The following TBC1D14 variants were observed in gnomAD, a reference collection of about 807,000 sequenced individuals.
TBC1D14 encodes TBC1 domain family, member 14.
Under a neutral mutation model 79.0 loss-of-function variants are expected in TBC1D14, and 26 were observed. The ratio of observed to expected loss-of-function variants is 0.33; its 90% CI spans 0.24 to 0.46. TBC1D14 has a LOEUF of 0.46. Ranked by LOEUF, TBC1D14 falls within the 20% of genes least tolerant of loss-of-function variation. The pLI is 1.00. For synonymous variants in TBC1D14, 394 were observed against 349.9 expected, an observed-to-expected ratio of 1.13 and a Z score of -1.40; for missense variants, 769 against 887.6, an observed-to-expected ratio of 0.87 and a Z score of 1.70.
intron 2 of TBC1D14, among the ~76,000 whole-genome samples, chr4:6,946,480 C>T (rs1055356079): frequency 6.6e-6 from 1 of 152,076 alleles, no homozygotes; most frequent in African/African-American, 2.4e-5. Context: ...CCACCAGGCC[C>T]AGCTAATTTT....
At chr4:6,954,117 G>A (rs916285893) in intron 2 of TBC1D14, 62 of 595,032 alleles carry the variant, frequency 1.0e-4, no homozygotes, top group African/African-American at 1.0e-3. Flanking sequence ...CCGCCCTGCC[G>A]CCCCCGCCTT....
chr4:6,999,656 TC>T (rs1390074706), intron 6 of TBC1D14, among the ~76,000 whole-genome samples: 1 of 152,120 alleles, frequency 6.6e-6, no homozygotes, highest in Non-Finnish European at 1.5e-5. Flanking sequence ...CCTCGCATGT[TC>T]CAGGCCCTGT....
chr4:7,024,893 T>C, intron 12 of TBC1D14, 111 bp from the exon 13 acceptor site: 1 of 1,454,566 alleles, frequency 6.9e-7, no homozygotes, highest in East Asian at 2.3e-5. Context: ...CCCCAGCTGT[T>C]GCCTGAAAGT....
In TBC1D14 at chr4:7,023,251, G is replaced by A. The variant is rs140789414; in HGVS notation, c.1758-1753G>A. ...AGCCTGGGCGACAGAGTGAGACTCC[G>A]TCTCAAGAAAAAAACAAAACAAAAC... is the stretch of plus-strand genomic sequence containing the variant. On this transcript the variant is annotated intron_variant, in intron 12 of 13. Coordinates refer to ENST00000409757, the MANE Select transcript of TBC1D14 (RefSeq NM_020773.3). 9.4e-3 allele frequency among the ~76,000 whole-genome samples: 1,432 copies of A among 152,210 alleles called. 23 individuals are homozygous for A. Among genetic ancestry groups the A allele is most frequent in the African/African-American group, 0.032 (1,342 of 41,532 alleles).
chr4:7,001,028 G>A, intron 6 of TBC1D14, 117 bp from the exon 7 acceptor site: 1 of 754,820 alleles, frequency 1.3e-6, no homozygotes, highest in Non-Finnish European at 2.3e-6. Flanking sequence ...CTGAGGGCAG[G>A]GGCTGTGCCT....
chr4:7,007,661 G>A lies in TBC1D14; in HGVS notation c.1446+935G>A, dbSNP rs780147323. ...CCAGCGAGCACCCCACTGGCTTGCA[G>A]CAGGCAGTTGACTTAGCTGGGAGCC... On this transcript the variant is annotated intron_variant, in intron 9 of 13. Transcript: ENST00000409757. The A allele has an allele frequency of 3.2e-6, 4 of 1,231,332 alleles. No individual in the cohort carries two copies. The East Asian group carries it at 2.3e-4, about 71-fold the overall frequency. 76.3% of individuals were successfully genotyped at this position (1,231,332 alleles called of 1,614,324 possible).
At position 6,923,713 on chromosome 4, in the gene TBC1D14, A is replaced by G. The variant is rs1029200917; in HGVS notation, c.324A>G (p.Pro108=). The change falls in exon 2 of 14, where the codon CCA becomes CCG. Residue 108 remains proline, a synonymous_variant. Coordinates refer to ENST00000409757, the MANE Select transcript of TBC1D14 (RefSeq NM_020773.3). The part of the protein sequence containing the change: ...ERAFQSACAL[P]SCAPPAPSST... Reference sequence around the variant, plus strand: ...CCTTCCAGAGCGCCTGCGCGCTGCCATCCTGTGCGCCACCAGCTCCTAGCA... The same window carrying G: ...CCTTCCAGAGCGCCTGCGCGCTGCCGTCCTGTGCGCCACCAGCTCCTAGCA... 2.5e-6 allele frequency: 4 copies of G among 1,613,872 alleles called. No individual in the cohort carries two copies. The highest frequency in any genetic ancestry group is 1.1e-5 in the South Asian group (1 of 91,082).
chr4:6,996,286 G>A, intron 4 of TBC1D14, 39 bp from the exon 5 acceptor site: 1 of 1,528,026 alleles, frequency 6.5e-7, no homozygotes, highest in Non-Finnish European at 9.1e-7. Context: ...CTTCTATGCG[G>A]TATTTATAAT....
intron 2 of TBC1D14, among the ~76,000 whole-genome samples, chr4:6,953,024 T>TTTC (rs1491160554): frequency 5.1e-4 from 4 of 7,776 alleles, no homozygotes; most frequent in African/African-American, 9.1e-4. Flanking sequence ...TTTTTCTTTC[T>TTTC]TTTTTTTTTT....
intron 12 of TBC1D14, among the ~76,000 whole-genome samples, chr4:7,018,565 C>T (rs529370591): frequency 6.6e-6 from 1 of 152,324 alleles, no homozygotes; most frequent in East Asian, 1.9e-4. Flanking sequence ...TCAAAGAATG[C>T]GTCTGTGCCT....
At chr4:7,021,414 A>G (rs1330533052) in intron 12 of TBC1D14, among the ~76,000 whole-genome samples, 1 of 152,198 alleles carries the variant, frequency 6.6e-6, no homozygotes, top group Non-Finnish European at 1.5e-5. Flanking sequence ...TCTGGGCAAC[A>G]CAGTGAGACC....
At chr4:6,975,350 A>G (rs1716628016) in intron 3 of TBC1D14, among the ~76,000 whole-genome samples, 1 of 152,070 alleles carries the variant, frequency 6.6e-6, no homozygotes, top group Non-Finnish European at 1.5e-5. Flanking sequence ...CCGGGACTAC[A>G]GGCACGTGAC....
intron 12 of TBC1D14, among the ~76,000 whole-genome samples, chr4:7,015,898 G>A (rs1268714179): frequency 1.3e-5 from 2 of 152,234 alleles, no homozygotes; most frequent in East Asian, 3.8e-4. Context: ...AGTAAAGAAT[G>A]TACTATTCGA....
intron 3 of TBC1D14, among the ~76,000 whole-genome samples, chr4:6,969,043 T>C (rs776115422): frequency 8.5e-5 from 13 of 152,216 alleles, no homozygotes; most frequent in Non-Finnish European, 1.8e-4. Flanking sequence ...TGCCACATTC[T>C]TCACGCGTCG....
intron 8 of TBC1D14, 81 bp downstream of exon 8, chr4:7,005,005 G>T: frequency 2.4e-6 from 3 of 1,240,344 alleles, no homozygotes; most frequent in Middle Eastern, 1.9e-4. Context: ...GAAAGTTGAC[G>T]TTAACTACAG....
At chr4:6,939,745 G>C (rs1577062945) in intron 2 of TBC1D14, among the ~76,000 whole-genome samples, 1 of 152,036 alleles carries the variant, frequency 6.6e-6, no homozygotes, top group East Asian at 1.9e-4. Context: ...GGAGAGGGGT[G>C]GGGGTGGGGT....
At chr4:7,009,666 G>A (rs1720547523) in intron 9 of TBC1D14, among the ~76,000 whole-genome samples, 1 of 152,232 alleles carries the variant, frequency 6.6e-6, no homozygotes, top group South Asian at 2.1e-4. Context: ...TTTCAGAGCA[G>A]TTACATAGCG....
chr4:6,923,476 C>T lies in TBC1D14; in HGVS notation c.87C>T (p.Asn29=). 1 of 1,614,224 alleles carries T rather than the reference C, an allele frequency of 6.2e-7. No individual in the cohort carries two copies. The highest frequency in any genetic ancestry group is 2.2e-5 in the East Asian group (1 of 44,890). The change falls in exon 2 of 14, where the codon AAC becomes AAT. Residue 29 remains asparagine, a synonymous_variant. Coordinates refer to ENST00000409757, the MANE Select transcript of TBC1D14 (RefSeq NM_020773.3). ...LDGRPGNPLQ[N]LQHVNLKAPR... is the part of the protein sequence containing the mutation. ...GTCGACCAGGAAACCCCCTTCAGAA[C>T]CTGCAACACGTCAATCTCAAGGCGC...
Position 6,923,689 on chromosome 4 carries a change from C to T in TBC1D14, c.300C>T (p.Ala100=). The part of the protein sequence containing the change: ...QSDSDLIPER[A]FQSACALPSC... Reference sequence around the variant, plus strand: ...ACTCCGACCTCATCCCCGAGCGGGCCTTCCAGAGCGCCTGCGCGCTGCCAT... The same window carrying T: ...ACTCCGACCTCATCCCCGAGCGGGCTTTCCAGAGCGCCTGCGCGCTGCCAT... Residue 100 remains alanine, a synonymous_variant, in exon 2 of 14, where the codon GCC becomes GCT. Coordinates refer to ENST00000409757, the MANE Select transcript of TBC1D14 (RefSeq NM_020773.3). The T allele has an allele frequency of 6.2e-7, 1 of 1,613,804 alleles. No individual in the cohort carries two copies. Among genetic ancestry groups the T allele is most frequent in the Non-Finnish European group, 8.5e-7 (1 of 1,180,036 alleles).
Sources: gnomAD v4.1 joint callset for allele counts (sites outside exome capture counted in the v4.1 genomes callset) on GRCh38, gnomAD v4.1.1 for gene constraint, MANE v1.5 for transcripts, NCBI Gene and HGNC (gene_info 2026-07-23, HGNC 2026-07-21) for gene names.